DNAH9: variants seen among roughly 807,000 people sequenced by gnomAD.
DNAH9 encodes DNAH9 variant protein.
DNAH9 carries 345 observed loss-of-function variants against 471.6 expected under a neutral mutation model. The ratio of observed to expected loss-of-function variants is 0.73; its 90% CI spans 0.67 to 0.80. The LOEUF is 0.80. Among genes scored for constraint, DNAH9 ranks in the 30% least tolerant of loss-of-function variants. The pLI is 0.00. For synonymous variants in DNAH9, 2,093 were observed against 2,123.6 expected, an observed-to-expected ratio of 0.99 and a Z score of 0.40; for missense variants, 5,407 against 5,609.2, an observed-to-expected ratio of 0.96 and a Z score of 1.15.
At chr17:11,667,878 C>CT (rs1355122915) in intron 15 of DNAH9, among the ~76,000 whole-genome samples, 3 of 152,180 alleles carry the variant, frequency 2.0e-5, no homozygotes, top group Non-Finnish European at 4.4e-5. Flanking sequence ...GCAAGCAAGG[C>CT]TGGGAAATCT....
chr17:11,961,152 T>C (rs1204655329), intron 67 of DNAH9, among the ~76,000 whole-genome samples: 1 of 151,996 alleles, frequency 6.6e-6, no homozygotes, highest in Non-Finnish European at 1.5e-5. Context: ...CTGTCTCTAC[T>C]GAAAATACAA....
chr17:11,671,408 G>C (rs566564214), intron 17 of DNAH9, among the ~76,000 whole-genome samples: 13 of 152,208 alleles, frequency 8.5e-5, no homozygotes, highest in South Asian at 2.1e-4. Flanking sequence ...GGAAGCAGAG[G>C]GGGGGCAGAG....
intron 35 of DNAH9, among the ~76,000 whole-genome samples, chr17:11,761,918 A>G (rs1967687607): frequency 6.6e-6 from 1 of 151,996 alleles, no homozygotes; most frequent in African/African-American, 2.4e-5. Context: ...AGGGTTGCAA[A>G]ACCCTCTGCG....
chr17:11,927,076 C>A (rs1305891937), intron 62 of DNAH9, among the ~76,000 whole-genome samples: 10 of 152,102 alleles, frequency 6.6e-5, no homozygotes, highest in African/African-American at 2.4e-4. Flanking sequence ...AGTGTCAGTT[C>A]ATGTTCTTTG....
intron 10 of DNAH9, among the ~76,000 whole-genome samples, chr17:11,641,557 G>T (rs965659170): frequency 1.3e-5 from 2 of 152,156 alleles, no homozygotes; most frequent in Non-Finnish European, 2.9e-5. Flanking sequence ...GCCAAAGAAA[G>T]AACTGGAAGA....
At chr17:11,653,602 G>A (rs2073561531) in intron 14 of DNAH9, among the ~76,000 whole-genome samples, 1 of 152,198 alleles carries the variant, frequency 6.6e-6, no homozygotes, top group Non-Finnish European at 1.5e-5. Context: ...TACGCAAGTA[G>A]CTATAGGGCC....
intron 67 of DNAH9, among the ~76,000 whole-genome samples, chr17:11,956,918 T>A (rs1975668461): frequency 6.8e-6 from 1 of 147,628 alleles, no homozygotes; most frequent in South Asian, 2.2e-4. Context: ...ATGAAGGAAA[T>A]AATAAAGAGT....
Position 11,669,359 on chromosome 17 carries a change from C to T in DNAH9, c.2929-11C>T, listed in dbSNP as rs111341218. 7,557 of 1,604,802 alleles carry T rather than the reference C, an allele frequency of 4.7e-3. 320 individuals are homozygous for T. The African/African-American group carries it at 0.085, about 18-fold the overall frequency. On this transcript the variant is annotated splice_polypyrimidine_tract_variant and intron_variant, in intron 16 of 68. Transcript: ENST00000262442. ...TGGTGTAACCTGCCTGCCGTTGTCT[C>T]GCTTCCCCAGGTCGACCTGGACGGT... is the stretch of plus-strand genomic sequence containing the variant.
At chr17:11,739,176 C>T in intron 29 of DNAH9, 139 bp downstream of exon 29, 1 of 817,864 alleles carries the variant, frequency 1.2e-6, no homozygotes, top group Non-Finnish European at 1.9e-6. Flanking sequence ...TCTTTAATGT[C>T]TTTAATGCAG....
At chr17:11,703,025 G>A (rs1266018009) in intron 24 of DNAH9, among the ~76,000 whole-genome samples, 20 of 151,784 alleles carry the variant, frequency 1.3e-4, no homozygotes, top group African/African-American at 4.1e-4. Flanking sequence ...CCCGGGAGGC[G>A]GAGCTTGCAG....
intron 49 of DNAH9, among the ~76,000 whole-genome samples, chr17:11,840,561 C>T (rs529874847): frequency 8.3e-4 from 126 of 152,194 alleles, no homozygotes; most frequent in African/African-American, 2.7e-3. Flanking sequence ...AATGCCTCTC[C>T]CCCAAAGAGT....
chr17:11,756,737 C>T lies in DNAH9; in HGVS notation c.6847+61C>T, dbSNP rs1967409915. The T allele has an allele frequency of 5.6e-6, 6 of 1,070,100 alleles. No individual in the cohort carries two copies. The East Asian group carries it at 7.1e-5, about 13-fold the overall frequency. The allele number at this position is 1,070,100 out of a possible 1,614,324, so 66.3% of individuals were successfully genotyped here. A position where few individuals can be genotyped will look rare whatever the true frequency, so the allele number is the denominator to read the frequency against. On this transcript the variant is annotated intron_variant, in intron 34 of 68. Transcript: ENST00000262442. The stretch of plus-strand genomic sequence containing the variant: ...CCACTTAGGGAGGTACCTCTGGCTT[C>T]ACACGTAGTTTTGCTGGCTCAGAAG...
chr17:11,917,994 G>A (rs1974010090), intron 61 of DNAH9, among the ~76,000 whole-genome samples: 1 of 152,060 alleles, frequency 6.6e-6, no homozygotes, highest in Non-Finnish European at 1.5e-5. Context: ...TCCATTTTCT[G>A]ATCAGAAAGA....
At chr17:11,814,816 T>A (rs1031404742) in intron 45 of DNAH9, among the ~76,000 whole-genome samples, 1 of 152,158 alleles carries the variant, frequency 6.6e-6, no homozygotes, top group African/African-American at 2.4e-5. Flanking sequence ...TCAACACACA[T>A]CCTATGAGAA....
intron 45 of DNAH9, among the ~76,000 whole-genome samples, chr17:11,819,520 C>T (rs1325635907): frequency 2.0e-5 from 3 of 151,902 alleles, no homozygotes; most frequent in South Asian, 2.1e-4. Context: ...TGGGTTCAAG[C>T]GATTCTTCTG....
intron 7 of DNAH9, among the ~76,000 whole-genome samples, chr17:11,631,738 A>G (rs1052081764): frequency 2.6e-5 from 4 of 152,150 alleles, no homozygotes; most frequent in African/African-American, 9.7e-5. Flanking sequence ...GATTTTGCCC[A>G]GAGAAAAAAC....
intron 57 of DNAH9, among the ~76,000 whole-genome samples, chr17:11,890,973 C>A (rs1194721587): frequency 6.6e-6 from 1 of 152,216 alleles, no homozygotes; most frequent in Non-Finnish European, 1.5e-5. Flanking sequence ...AGGAATGAAC[C>A]ACTGCACCTG....
intron 32 of DNAH9, among the ~76,000 whole-genome samples, chr17:11,748,994 T>C (rs1434055586): frequency 6.6e-6 from 1 of 152,054 alleles, no homozygotes; most frequent in Admixed American, 6.6e-5. Flanking sequence ...GCATCTTTCC[T>C]TCTTATTGAT....
intron 26 of DNAH9, among the ~76,000 whole-genome samples, chr17:11,712,044 T>TTG (rs1268305174): frequency 1.6e-4 from 1 of 6,306 alleles, no homozygotes; most frequent in South Asian, 4.5e-3. Context: ...TTATATATAT[T>TTG]TATATATAAA....
Sources: gnomAD v4.1 joint callset for allele counts (sites outside exome capture counted in the v4.1 genomes callset) on GRCh38, gnomAD v4.1.1 for gene constraint, MANE v1.5 for transcripts, NCBI Gene and HGNC (gene_info 2026-07-23, HGNC 2026-07-21) for gene names.